The following WNT7B variants were observed in gnomAD, a reference collection of about 807,000 sequenced individuals.
WNT7B encodes the protein Wnt family member 7B, also known as protein Wnt-7b.
In WNT7B, 19 loss-of-function variants were observed where a neutral mutation model predicts 38.2. That is an observed-to-expected ratio of 0.50 (90% CI 0.35 to 0.73). WNT7B has a LOEUF of 0.73. Ranked by LOEUF, WNT7B falls within the 30% of genes least tolerant of loss-of-function variation. The pLI, the probability that WNT7B is intolerant of heterozygous loss-of-function variation, is 0.01. For synonymous variants in WNT7B, 243 were observed against 209.3 expected (o/e 1.16, Z -1.39); for missense variants, 423 against 507.9 (o/e 0.83, Z 1.61).
chr22:45,957,468 A>AGTTTG (rs1932092865), intron 1 of WNT7B, among the ~76,000 whole-genome samples: 1 of 151,478 alleles, frequency 6.6e-6, no homozygotes, highest in East Asian at 1.9e-4. Context: ...TGGGTCACCT[A>AGTTTG]AGGTCAGGAG....
intron 2 of WNT7B, among the ~76,000 whole-genome samples, chr22:45,949,272 C>T (rs1036715099): frequency 1.3e-5 from 2 of 152,170 alleles, no homozygotes; most frequent in African/African-American, 4.8e-5. Context: ...GGGATCTTGC[C>T]AGCCCACCTG....
At chr22:45,936,045 A>G in intron 2 of WNT7B, 1 of 985,388 alleles carries the variant, frequency 1.0e-6, no homozygotes, top group Non-Finnish European at 1.2e-6. Context: ...CAGTATCCCT[A>G]GAAAATGCCA....
Position 45,965,313 on chromosome 22 carries a change from A to G in WNT7B, c.71+11371T>C, listed in dbSNP as rs1932288329. ...TTAGAGCTCCTGCTGTGGGTCCCAC[A>G]GGGCTTTGTGTCAACGACGCTGGAA... On this transcript the variant is annotated intron_variant, in intron 1 of 3. Coordinates refer to ENST00000339464, the MANE Select transcript of WNT7B (RefSeq NM_058238.3). This position sits in a 1 kb window ranked among gnomAD's most constrained non-coding sequence, Gnocchi z 6.5. Among the ~76,000 whole-genome samples, 6 of 152,152 alleles carry G rather than the reference A, an allele frequency of 3.9e-5. No individual in the cohort carries two copies. Among genetic ancestry groups the G allele is most frequent in the Admixed American group, 3.9e-4 (6 of 15,278 alleles).
intron 1 of WNT7B, among the ~76,000 whole-genome samples, chr22:45,974,381 G>A (rs1290404080): frequency 1.3e-5 from 2 of 152,202 alleles, no homozygotes; most frequent in Non-Finnish European, 2.9e-5. Context: ...CCTGGGCCCA[G>A]CTTCCCCCTT....
chr22:45,935,298 T>G (rs1931487383), intron 2 of WNT7B, among the ~76,000 whole-genome samples: 1 of 152,174 alleles, frequency 6.6e-6, no homozygotes, highest in African/African-American at 2.4e-5. Context: ...CGACTTCCAG[T>G]GCCTTGGCCT....
intron 1 of WNT7B, chr22:45,972,106 C>G: frequency 1.7e-6 from 1 of 588,438 alleles, no homozygotes; most frequent in Non-Finnish European, 3.1e-6. Context: ...GCGCTGGAGG[C>G]CCGGGGGGAG....
At chr22:45,958,931 C>A (rs560530094) in intron 1 of WNT7B, among the ~76,000 whole-genome samples, 1 of 152,292 alleles carries the variant, frequency 6.6e-6, no homozygotes, top group Admixed American at 6.5e-5. Context: ...CCCCGACGGG[C>A]ACCCAGCTGC....
In WNT7B at chr22:45,975,528, G is replaced by A; in HGVS notation, c.71+1156C>T. The stretch of plus-strand genomic sequence containing the variant: ...ACTGGCTTTGTCTCTGCAGGCCTTG[G>A]GCCTCAGTTTCTCCACCTGTAAAAT... On this transcript the variant is annotated intron_variant, in intron 1 of 3. Coordinates refer to ENST00000339464, the MANE Select transcript of WNT7B (RefSeq NM_058238.3). This position sits in a 1 kb window ranked among gnomAD's most constrained non-coding sequence, Gnocchi z 6.6. 1.4e-6 allele frequency: 1 copy of A among 716,490 alleles called. No homozygotes were observed. The allele number at this position is 716,490 out of a possible 1,614,324, so 44.4% of individuals were successfully genotyped here.
intron 1 of WNT7B, among the ~76,000 whole-genome samples, chr22:45,970,943 G>A (rs1025781178): frequency 6.6e-6 from 1 of 152,264 alleles, no homozygotes; most frequent in Non-Finnish European, 1.5e-5. Context: ...CTCTGTGCCC[G>A]GACCTTGTAA....
intron 1 of WNT7B, among the ~76,000 whole-genome samples, chr22:45,970,527 A>ACCCCAAC (rs1456050689): frequency 2.1e-5 from 3 of 141,528 alleles, no homozygotes; most frequent in South Asian, 2.3e-4. Flanking sequence ...TCCGACCCTT[A>ACCCCAAC]CCCCAACCCC....
At position 45,958,993 on chromosome 22, in the gene WNT7B, C is replaced by T. The variant is rs138795084; in HGVS notation, c.72-8847G>A. Among the ~76,000 whole-genome samples, 22 of 152,314 alleles carry T rather than the reference C, an allele frequency of 1.4e-4. No homozygotes were observed. The East Asian group carries it at 2.5e-3, about 17-fold the overall frequency. On this transcript the variant is annotated intron_variant, in intron 1 of 3. Transcript: ENST00000339464. ...GTCACGGGCCCTCCCCGAACAGGTCCGAGCCCCCATAGCTGGGTCCAGGAT... is the reference window on the plus strand; with the variant it reads ...GTCACGGGCCCTCCCCGAACAGGTCTGAGCCCCCATAGCTGGGTCCAGGAT...
chr22:45,946,069 G>C (rs904621382), intron 2 of WNT7B, among the ~76,000 whole-genome samples: 1 of 152,192 alleles, frequency 6.6e-6, no homozygotes, highest in African/African-American at 2.4e-5. Flanking sequence ...GGGCTCTAGG[G>C]GGATGGGGGC....
chr22:45,972,194 C>T, intron 1 of WNT7B: 1 of 607,116 alleles, frequency 1.6e-6, no homozygotes, highest in Non-Finnish European at 3.0e-6. Context: ...GATCTGCGGG[C>T]AATAGACGGA....
At chr22:45,954,723 A>G (rs1932020722) in intron 1 of WNT7B, 1 of 985,328 alleles carries the variant, frequency 1.0e-6, no homozygotes, top group Non-Finnish European at 1.2e-6. Context: ...TAATTCAGAA[A>G]CAATTTCAAA....
chr22:45,971,468 G>A (rs1427777022), intron 1 of WNT7B, among the ~76,000 whole-genome samples: 5 of 152,220 alleles, frequency 3.3e-5, no homozygotes, highest in Non-Finnish European at 7.3e-5. Flanking sequence ...GAGCCCCGTG[G>A]GCTCTGCCTT....
At chr22:45,933,906 G>C (rs539362808) in intron 2 of WNT7B, among the ~76,000 whole-genome samples, 2 of 152,284 alleles carry the variant, frequency 1.3e-5, no homozygotes, top group African/African-American at 4.8e-5. Context: ...TTTCTGTCCA[G>C]GTGCCAGGGC....
At chr22:45,953,114 C>A (rs142828235) in intron 1 of WNT7B, among the ~76,000 whole-genome samples, 1 of 150,690 alleles carries the variant, frequency 6.6e-6, no homozygotes. Flanking sequence ...TCTGCAGTCT[C>A]ACAGTCACCG....
chr22:45,964,769 C>T (rs1932275689), intron 1 of WNT7B, among the ~76,000 whole-genome samples: 3 of 152,162 alleles, frequency 2.0e-5, no homozygotes, highest in Admixed American at 2.0e-4. Context: ...TGGGTACCGA[C>T]TGAGTGAGGG....
intron 1 of WNT7B, among the ~76,000 whole-genome samples, chr22:45,956,457 C>T (rs556771339): frequency 6.6e-6 from 1 of 152,302 alleles, no homozygotes; most frequent in African/African-American, 2.4e-5. Flanking sequence ...ATCTATGGGG[C>T]CCCAAGCCCG....
Sources: gnomAD v4.1 joint callset for allele counts (sites outside exome capture counted in the v4.1 genomes callset) on GRCh38, gnomAD v4.1.1 for gene constraint, Gnocchi (gnomAD v3.1) non-coding constraint, MANE v1.5 for transcripts, NCBI Gene and HGNC (gene_info 2026-07-23, HGNC 2026-07-21) for gene names.